The following GSN variants were observed in gnomAD, a reference collection of about 807,000 sequenced individuals.
GSN encodes actin-depolymerizing factor.
Under a neutral mutation model 85.7 loss-of-function variants are expected in GSN, and 56 were observed. The ratio of observed to expected loss-of-function variants is 0.65; its 90% CI spans 0.53 to 0.82. The LOEUF is 0.82. Ranked by LOEUF, GSN falls within the 40% of genes least tolerant of loss-of-function variation. The probability of loss-of-function intolerance (pLI) is 0.00; values close to 1 mark genes in which losing one functional copy is unlikely to be tolerated. For missense variants in GSN, 857 were observed against 979.8 expected, an observed-to-expected ratio of 0.87 and a Z score of 1.67; for synonymous variants, 373 against 399.1, an observed-to-expected ratio of 0.93 and a Z score of 0.78.
chr9:121,295,029 T>C (rs2059075177), intron 2 of GSN, among the ~76,000 whole-genome samples: 1 of 152,198 alleles, frequency 6.6e-6, no homozygotes, highest in African/African-American at 2.4e-5. Context: ...ACCTGAACTC[T>C]AGCGTCTCAC....
intron 2 of GSN, among the ~76,000 whole-genome samples, chr9:121,293,936 G>A (rs1028637047): frequency 1.3e-4 from 20 of 149,484 alleles, no homozygotes; most frequent in Admixed American, 5.4e-4. Context: ...ATGAGGAAAC[G>A]GAGGCTCAGA....
At chr9:121,255,213 G>A (rs1328121885) in intron 6 of GSN, among the ~76,000 whole-genome samples, 1 of 152,120 alleles carries the variant, frequency 6.6e-6, no homozygotes, top group Non-Finnish European at 1.5e-5. Flanking sequence ...CTCCCAAAGT[G>A]CTGGTAGTAC....
chr9:121,327,391 A>G lies in GSN; in HGVS notation c.1671A>G (p.Thr557=). The change falls in exon 14 of 18, where the codon ACA becomes ACG. Residue 557 remains threonine (T), a synonymous_variant. Coordinates refer to ENST00000432226, the MANE Select transcript of GSN (RefSeq NM_198252.3). ...TPSAAYLWVG[T]GASEAEKTGA... ...CAGCCGCCTACCTGTGGGTGGGTAC[A>G]GGAGCCAGCGAGGCAGAGAAGACGG... The G allele has an allele frequency of 6.2e-7, 1 of 1,613,712 alleles. No homozygotes were observed. Among genetic ancestry groups the G allele is most frequent in the Non-Finnish European group, 8.5e-7 (1 of 1,179,804 alleles).
chr9:121,238,184 T>A (rs115323354), intron 5 of GSN: 4,127 of 152,596 alleles, frequency 0.027, 195 homozygotes, highest in African/African-American at 0.094. Flanking sequence ...AGTGTCAACT[T>A]GATTGGATCG....
At chr9:121,321,718 T>G (rs886533291) in intron 11 of GSN, among the ~76,000 whole-genome samples, 1 of 146,202 alleles carries the variant, frequency 6.8e-6, no homozygotes, top group Non-Finnish European at 1.5e-5. Context: ...AAAATTTTTT[T>G]AAATTTATAT....
At chr9:121,283,882 G>A (rs918636244) in intron 2 of GSN, 1 of 167,208 alleles carries the variant, frequency 6.0e-6, no homozygotes, top group African/African-American at 2.4e-5. Context: ...TTGGGTGGGA[G>A]TGGTGAGGTC....
chr9:121,255,911 C>G (rs574826696), intron 6 of GSN, among the ~76,000 whole-genome samples: 1 of 152,304 alleles, frequency 6.6e-6, no homozygotes, highest in South Asian at 2.1e-4. Flanking sequence ...TCAATTTACA[C>G]TCTAACTAGA....
chr9:121,230,960 C>T (rs1363219556), intron 4 of GSN, among the ~76,000 whole-genome samples: 7 of 152,328 alleles, frequency 4.6e-5, no homozygotes, highest in Admixed American at 3.9e-4. Flanking sequence ...AATCTCTTCA[C>T]TGCAAACTTC....
intron 10 of GSN, among the ~76,000 whole-genome samples, chr9:121,320,141 C>T (rs1210024374): frequency 1.3e-5 from 2 of 152,212 alleles, no homozygotes; most frequent in Admixed American, 6.5e-5. Context: ...CCCACTCCAT[C>T]ACCTTCAAGA....
At chr9:121,315,263 G>A (rs1470204835) in intron 7 of GSN, among the ~76,000 whole-genome samples, 2 of 152,058 alleles carry the variant, frequency 1.3e-5, no homozygotes, top group Admixed American at 6.6e-5. Context: ...ATCTCAACAC[G>A]ACCCTTTATA....
At chr9:121,217,595 G>A (rs554691878) in intron 4 of GSN, among the ~76,000 whole-genome samples, 5 of 151,492 alleles carry the variant, frequency 3.3e-5, no homozygotes, top group African/African-American at 1.2e-4. Context: ...ATTGGATTAG[G>A]GCCCACCCTA....
intron 2 of GSN, chr9:121,300,062 C>A: frequency 6.2e-7 from 1 of 1,606,636 alleles, no homozygotes; most frequent in Non-Finnish European, 8.5e-7. Flanking sequence ...TAAGTTCTTG[C>A]AGATACAGCG....
At chr9:121,311,571 G>A (rs1048877968) in intron 5 of GSN, 2 of 152,992 alleles carry the variant, frequency 1.3e-5, no homozygotes, top group Admixed American at 6.5e-5. Flanking sequence ...GGATCATGAA[G>A]CAGAACCTCA....
intron 2 of GSN, among the ~76,000 whole-genome samples, chr9:121,289,334 G>A (rs143173102): frequency 1.6e-3 from 241 of 152,200 alleles, no homozygotes; most frequent in Middle Eastern, 3.4e-3. Context: ...GGTTTGCCAG[G>A]CCCCCAGATC....
intron 4 of GSN, among the ~76,000 whole-genome samples, chr9:121,215,754 A>T (rs367884336): frequency 3.3e-5 from 5 of 151,972 alleles, no homozygotes; most frequent in South Asian, 4.1e-4. Flanking sequence ...TATAATGTAC[A>T]TGTAAATCAA....
intron 2 of GSN, chr9:121,282,404 C>A: frequency 9.9e-7 from 1 of 1,006,156 alleles, no homozygotes; most frequent in Non-Finnish European, 1.3e-6. Context: ...AGGAAAACAC[C>A]CCTCCAACCC....
chr9:121,293,868 C>T (rs749022321), intron 2 of GSN, among the ~76,000 whole-genome samples: 1 of 152,090 alleles, frequency 6.6e-6, no homozygotes, highest in African/African-American at 2.4e-5. Flanking sequence ...ATGTTCTTTA[C>T]CTTATTAAAT....
At chr9:121,226,597 C>T (rs1458054080) in intron 4 of GSN, among the ~76,000 whole-genome samples, 1 of 152,116 alleles carries the variant, frequency 6.6e-6, no homozygotes, top group Non-Finnish European at 1.5e-5. Flanking sequence ...GGTCTCTGCC[C>T]GAGTCCCTGG....
At chr9:121,271,371 C>CA (rs1258048430) in intron 1 of GSN, among the ~76,000 whole-genome samples, 1 of 152,002 alleles carries the variant, frequency 6.6e-6, no homozygotes, top group Non-Finnish European at 1.5e-5. Flanking sequence ...AAAGAAAAGA[C>CA]AAAAAAAGCT....
Sources: allele counts gnomAD v4.1 joint callset (sites outside exome capture counted in the v4.1 genomes callset), GRCh38; gene constraint gnomAD v4.1.1; transcripts MANE v1.5; gene names NCBI Gene and HGNC (gene_info 2026-07-23, HGNC 2026-07-21).